Variants in REDIC1 observed in about 807,000 individuals in gnomAD.
The protein encoded by REDIC1 is regulator of DNA class I crossover intermediates 1, also known as HEI10 Interacting Protein 1.
chr12:39,654,860 T>C, the REDIC1 span, among the ~76,000 whole-genome samples: 1 of 152,344 alleles, frequency 6.6e-6, no homozygotes, highest in East Asian at 1.9e-4. Flanking sequence ...TGAAGGCATC[T>C]GCACATGGAC....
the REDIC1 span, among the ~76,000 whole-genome samples, chr12:39,843,606 G>A: frequency 6.6e-6 from 1 of 152,070 alleles, no homozygotes; most frequent in South Asian, 2.1e-4. Context: ...GCCATACAAT[G>A]AGAGTATGAA....
the REDIC1 span, among the ~76,000 whole-genome samples, chr12:39,699,594 C>T: frequency 6.6e-6 from 1 of 152,228 alleles, no homozygotes; most frequent in African/African-American, 2.4e-5. Flanking sequence ...TGGGTGGAGC[C>T]CACCACAGCT....
At chr12:39,874,732 G>A in the REDIC1 span, among the ~76,000 whole-genome samples, 2 of 151,854 alleles carry the variant, frequency 1.3e-5, no homozygotes, top group Non-Finnish European at 2.9e-5. Context: ...ACTTTGTATT[G>A]TAGGCAATGG....
the REDIC1 span, among the ~76,000 whole-genome samples, chr12:39,627,230 T>C: frequency 3.9e-5 from 6 of 152,358 alleles, no homozygotes; most frequent in African/African-American, 1.4e-4. Context: ...GCATGCACTT[T>C]TATCCTGTTG....
At chr12:39,698,496 C>A in the REDIC1 span, among the ~76,000 whole-genome samples, 1 of 152,088 alleles carries the variant, frequency 6.6e-6, no homozygotes, top group Admixed American at 6.6e-5. Context: ...ATCAAATGGA[C>A]CTAAAAGATA....
the REDIC1 span, among the ~76,000 whole-genome samples, chr12:39,868,950 C>A: frequency 6.6e-6 from 1 of 152,018 alleles, no homozygotes; most frequent in East Asian, 1.9e-4. Flanking sequence ...AAAAAATCAT[C>A]TTGATATAAC....
At chr12:39,803,220 A>C in the REDIC1 span, among the ~76,000 whole-genome samples, 1 of 151,948 alleles carries the variant, frequency 6.6e-6, no homozygotes, top group Non-Finnish European at 1.5e-5. Flanking sequence ...AAAAAAAAAA[A>C]AACTTTCTAG....
chr12:39,700,908 G>T, the REDIC1 span, among the ~76,000 whole-genome samples: 1 of 151,976 alleles, frequency 6.6e-6, no homozygotes, highest in Non-Finnish European at 1.5e-5. Flanking sequence ...TCACCACCAG[G>T]CCTGCCCTAA....
At chr12:39,885,886 C>T in the REDIC1 span, among the ~76,000 whole-genome samples, 3 of 152,144 alleles carry the variant, frequency 2.0e-5, no homozygotes, top group East Asian at 1.9e-4. Flanking sequence ...GAGATTCTAA[C>T]GTATTTGGTT....
the REDIC1 span, among the ~76,000 whole-genome samples, chr12:39,888,776 A>T: frequency 1.3e-5 from 2 of 152,202 alleles, no homozygotes; most frequent in Admixed American, 6.5e-5. Flanking sequence ...TGAAATTCTC[A>T]CAAGTAACCA....
chr12:39,851,892 T>C, the REDIC1 span, among the ~76,000 whole-genome samples: 4,920 of 152,288 alleles, frequency 0.032, 247 homozygotes, highest in African/African-American at 0.11. Flanking sequence ...TGCTAAAATA[T>C]AAATAATAGG....
chr12:39,758,114 A>G, the REDIC1 span: 4 of 151,642 alleles, frequency 2.6e-5, no homozygotes, highest in Non-Finnish European at 5.9e-5. Context: ...AAAAATCAAT[A>G]CTAATATTCC....
chr12:39,716,766 T>C, the REDIC1 span: 1 of 1,601,404 alleles, frequency 6.2e-7, no homozygotes, highest in Non-Finnish European at 8.5e-7. Context: ...CTCTTGATTC[T>C]GCACAGAGTA....
chr12:39,809,625 C>A, the REDIC1 span, among the ~76,000 whole-genome samples: 1 of 152,122 alleles, frequency 6.6e-6, no homozygotes, highest in Non-Finnish European at 1.5e-5. Context: ...CATTTAGCAT[C>A]AGGTATATCT....
the REDIC1 span, among the ~76,000 whole-genome samples, chr12:39,661,091 A>C: frequency 6.6e-6 from 1 of 152,038 alleles, no homozygotes; most frequent in African/African-American, 2.4e-5. Context: ...TATCTTTGCT[A>C]TTGTGAATAG....
the REDIC1 span, among the ~76,000 whole-genome samples, chr12:39,634,075 C>A: frequency 2.0e-5 from 3 of 152,182 alleles, no homozygotes; most frequent in East Asian, 1.9e-4. Flanking sequence ...TTGGAAGGTT[C>A]TTCCATTTGT....
chr12:39,871,640 T>C, the REDIC1 span, among the ~76,000 whole-genome samples: 3 of 145,336 alleles, frequency 2.1e-5, no homozygotes, highest in Non-Finnish European at 4.5e-5. Context: ...TTAAAAGCTC[T>C]TTTTTTTTTC....
chr12:39,664,503 C>A, the REDIC1 span, among the ~76,000 whole-genome samples: 12 of 152,172 alleles, frequency 7.9e-5, no homozygotes, highest in African/African-American at 2.9e-4. Context: ...GGTTCCACGT[C>A]TTTGCTATTG....
the REDIC1 span, among the ~76,000 whole-genome samples, chr12:39,845,165 TTTTC>T: frequency 6.6e-6 from 1 of 152,182 alleles, no homozygotes; most frequent in African/African-American, 2.4e-5. Flanking sequence ...CTTTAATATA[TTTTC>T]TTTATGTTGA....
Sources: gnomAD v4.1 joint callset for allele counts (sites outside exome capture counted in the v4.1 genomes callset) on GRCh38, gnomAD v4.1.1 for gene constraint, MANE v1.5 for transcripts, NCBI Gene and HGNC (gene_info 2026-07-23, HGNC 2026-07-21) for gene names.